Variants in SPMIP2 observed in about 807,000 individuals in gnomAD.
SPMIP2 encodes sperm microtubule inner protein 2, also known as protein SPMIP2.
the SPMIP2 span, among the ~76,000 whole-genome samples, chr4:158,963,730 AG>A: frequency 0.13 from 19,130 of 142,842 alleles, 1,978 homozygotes; most frequent in African/African-American, 0.29. Context: ...GCTGACTTGA[AG>A]AAAGGGAGAT....
At chr4:159,048,929 T>A in the SPMIP2 span, among the ~76,000 whole-genome samples, 2 of 152,036 alleles carry the variant, frequency 1.3e-5, no homozygotes, top group Non-Finnish European at 2.9e-5. Context: ...AGTTAAAATT[T>A]TTTTTGAATC....
chr4:159,060,032 G>A, the SPMIP2 span, among the ~76,000 whole-genome samples: 100 of 152,324 alleles, frequency 6.6e-4, 2 homozygotes, highest in South Asian at 0.018. Context: ...GAGTCCTACC[G>A]TGGATGGGGT....
At chr4:158,943,853 A>ATTTTTT in the SPMIP2 span, among the ~76,000 whole-genome samples, 2 of 46,480 alleles carry the variant, frequency 4.3e-5, no homozygotes, top group African/African-American at 8.4e-5. Context: ...TACTATTGAC[A>ATTTTTT]TTTTCTTTTT....
At chr4:158,988,640 TG>T in the SPMIP2 span, among the ~76,000 whole-genome samples, 1 of 152,036 alleles carries the variant, frequency 6.6e-6, no homozygotes, top group Non-Finnish European at 1.5e-5. Context: ...ACAAAAACTA[TG>T]TGATTATCTC....
At chr4:158,895,628 G>C in the SPMIP2 span, 1 of 635,272 alleles carries the variant, frequency 1.6e-6, no homozygotes, top group South Asian at 1.9e-5. Context: ...TTTTTTAAGT[G>C]TATTTGAAAC....
At chr4:158,913,966 G>C in the SPMIP2 span, among the ~76,000 whole-genome samples, 1 of 152,258 alleles carries the variant, frequency 6.6e-6, no homozygotes, top group African/African-American at 2.4e-5. Flanking sequence ...ACAACAGATG[G>C]GGCTGGGGAA....
chr4:158,939,668 TCTC>T, the SPMIP2 span, among the ~76,000 whole-genome samples: 1 of 151,878 alleles, frequency 6.6e-6, no homozygotes, highest in African/African-American at 2.4e-5. Context: ...TTCTCCCTCT[TCTC>T]CTCTTATTTG....
the SPMIP2 span, among the ~76,000 whole-genome samples, chr4:159,039,879 T>C: frequency 2.0e-5 from 3 of 152,238 alleles, no homozygotes; most frequent in Non-Finnish European, 4.4e-5. Context: ...CCTGTAAAAG[T>C]ATCTTGTTTT....
chr4:159,047,780 G>C, the SPMIP2 span, among the ~76,000 whole-genome samples: 1 of 152,166 alleles, frequency 6.6e-6, no homozygotes, highest in Non-Finnish European at 1.5e-5. Flanking sequence ...CCTGCCTCTG[G>C]GTCTACACAG....
At chr4:158,979,795 T>TA in the SPMIP2 span, among the ~76,000 whole-genome samples, 59 of 77,030 alleles carry the variant, frequency 7.7e-4, no homozygotes, top group African/African-American at 2.0e-3. Context: ...AAGAGTTTTT[T>TA]TTTTTTTTTT....
At chr4:159,044,236 C>A in the SPMIP2 span, among the ~76,000 whole-genome samples, 1 of 151,382 alleles carries the variant, frequency 6.6e-6, no homozygotes, top group Non-Finnish European at 1.5e-5. Flanking sequence ...CACAGCTGGG[C>A]ACGGTGCCTG....
the SPMIP2 span, among the ~76,000 whole-genome samples, chr4:158,902,719 G>A: frequency 6.6e-6 from 1 of 152,356 alleles, no homozygotes; most frequent in East Asian, 1.9e-4. Flanking sequence ...TCTGGCCCCA[G>A]TGGCCTTGCT....
the SPMIP2 span, among the ~76,000 whole-genome samples, chr4:158,987,850 G>A: frequency 6.6e-6 from 1 of 151,856 alleles, no homozygotes; most frequent in East Asian, 1.9e-4. Flanking sequence ...AGAAGCAAGA[G>A]CAAACAAATT....
At chr4:158,897,036 C>T in the SPMIP2 span, among the ~76,000 whole-genome samples, 13,502 of 151,928 alleles carry the variant, frequency 0.089, 789 homozygotes, top group Non-Finnish European at 0.14. Context: ...GTGATGTTCC[C>T]CTTCCTGTGT....
At chr4:158,975,512 C>T in the SPMIP2 span, among the ~76,000 whole-genome samples, 1 of 152,176 alleles carries the variant, frequency 6.6e-6, no homozygotes, top group Non-Finnish European at 1.5e-5. Flanking sequence ...CAGTTTTCTG[C>T]ATATGGCTAG....
At chr4:159,069,035 G>T in the SPMIP2 span, among the ~76,000 whole-genome samples, 4 of 152,150 alleles carry the variant, frequency 2.6e-5, no homozygotes, top group African/African-American at 9.7e-5. Context: ...GGGTGCCGTG[G>T]CTCACACCTA....
At chr4:159,033,762 T>C in the SPMIP2 span, among the ~76,000 whole-genome samples, 3 of 152,170 alleles carry the variant, frequency 2.0e-5, no homozygotes, top group African/African-American at 7.2e-5. Flanking sequence ...AGATGGATGA[T>C]GAGCAACACA....
the SPMIP2 span, among the ~76,000 whole-genome samples, chr4:158,964,181 A>C: frequency 1.4e-5 from 1 of 71,742 alleles, no homozygotes; most frequent in Non-Finnish European, 3.3e-5. Flanking sequence ...ACAAAACAAA[A>C]CAAAACAAAA....
the SPMIP2 span, among the ~76,000 whole-genome samples, chr4:158,996,433 C>T: frequency 1.3e-5 from 2 of 152,230 alleles, no homozygotes; most frequent in Admixed American, 1.3e-4. Context: ...GAAATGCTCA[C>T]CATTCACATA....
Sources: allele counts gnomAD v4.1 joint callset (sites outside exome capture counted in the v4.1 genomes callset), GRCh38; gene constraint gnomAD v4.1.1; transcripts MANE v1.5; gene names NCBI Gene and HGNC (gene_info 2026-07-23, HGNC 2026-07-21).